Variants in PSPH observed in about 807,000 individuals in gnomAD.
The protein encoded by PSPH is L-3-phosphoserine phosphatase.
Under a neutral mutation model 23.4 loss-of-function variants are expected in PSPH, and 16 were observed. The observed-to-expected ratio is 0.68, with a 90% CI of 0.46 to 1.04. The LOEUF (loss-of-function observed/expected upper bound fraction) is 1.04. Among genes scored for constraint, PSPH ranks in the 50% least tolerant of loss-of-function variants. The pLI is 0.00. For synonymous variants in PSPH, 68 were observed against 99.7 expected, an observed-to-expected ratio of 0.68 and a Z score of 1.89; for missense variants, 223 against 273.7, an observed-to-expected ratio of 0.81 and a Z score of 1.31.
chr7:56,021,632 G>A (rs1374148722), intron 3 of PSPH, among the ~76,000 whole-genome samples: 1 of 144,586 alleles, frequency 6.9e-6, no homozygotes, highest in African/African-American at 2.5e-5. Context: ...CTACCTAATT[G>A]TAGTGAGGAA....
At chr7:56,040,669 G>T (rs1303495993) in intron 1 of PSPH, among the ~76,000 whole-genome samples, 1 of 151,888 alleles carries the variant, frequency 6.6e-6, no homozygotes, top group Non-Finnish European at 1.5e-5. Flanking sequence ...TGGTGAGGGG[G>T]GGAATGAGGC....
At chr7:56,017,834 T>G (rs1316719870) in intron 5 of PSPH, among the ~76,000 whole-genome samples, 1 of 151,784 alleles carries the variant, frequency 6.6e-6, no homozygotes, top group Non-Finnish European at 1.5e-5. Context: ...GCGATTCTCT[T>G]GTGTCAGCCT....
intron 1 of PSPH, among the ~76,000 whole-genome samples, chr7:56,048,418 CA>C (rs1455455371): frequency 6.6e-6 from 1 of 151,952 alleles, no homozygotes; most frequent in Non-Finnish European, 1.5e-5. Flanking sequence ...AGAACTGTTC[CA>C]GACTGAAGAA....
intron 3 of PSPH, among the ~76,000 whole-genome samples, chr7:56,029,348 C>A (rs1354386663): frequency 6.6e-6 from 1 of 151,934 alleles, no homozygotes. Flanking sequence ...AGAAGACATG[C>A]CGGTGGGAAG....
In PSPH at chr7:56,032,070, G is replaced by A. The variant is rs1407475806; in HGVS notation, c.-145-16C>T. 1.3e-5 allele frequency: 2 copies of A among 152,568 alleles called. No homozygotes were observed. The highest frequency in any genetic ancestry group is 2.4e-5 in the African/African-American group (1 of 41,454). 9.5% of individuals were successfully genotyped at this position (152,568 alleles called of 1,614,324 possible). A position where few individuals can be genotyped will look rare whatever the true frequency, so the allele number is the denominator to read the frequency against. ...GAGCAAGAGCCTAGAAAGAGAGAAT[G>A]AGGAAATGAACATCGAAGTCCATAC... On this transcript the variant is annotated splice_polypyrimidine_tract_variant and intron_variant, in intron 2 of 7. Transcript: ENST00000275605.
At chr7:56,025,353 C>G (rs1790042732) in intron 3 of PSPH, among the ~76,000 whole-genome samples, 1 of 151,866 alleles carries the variant, frequency 6.6e-6, no homozygotes, top group Non-Finnish European at 1.5e-5. Flanking sequence ...TCTCAGCTCA[C>G]TGCAACCTCT....
chr7:56,012,410 T>G (rs889067479), intron 7 of PSPH, among the ~76,000 whole-genome samples: 1 of 151,938 alleles, frequency 6.6e-6, no homozygotes, highest in Non-Finnish European at 1.5e-5. Context: ...TGAACCTCTG[T>G]GCTTAAGCAA....
chr7:56,024,368 C>T (rs1000541376), intron 3 of PSPH, among the ~76,000 whole-genome samples: 27 of 151,634 alleles, frequency 1.8e-4, no homozygotes, highest in African/African-American at 4.1e-4. Context: ...TGAGCCACCA[C>T]GACTGGCTGA....
chr7:56,019,720 A>G lies in PSPH; in HGVS notation c.155T>C (p.Met52Thr), dbSNP rs104894036. 4 of 1,613,594 alleles carry G rather than the reference A, an allele frequency of 2.5e-6. No individual in the cohort carries two copies. The highest frequency in any genetic ancestry group is 3.4e-6 in the Non-Finnish European group (4 of 1,179,868). ...AGCTTTGAAAGGCACTGCCCCGCCCATGGCTCGCCGTGTCCTAGGAGGGAG... is the reference window on the plus strand; with the variant it reads ...AGCTTTGAAAGGCACTGCCCCGCCCGTGGCTCGCCGTGTCCTAGGAGGGAG... Reference protein sequence around the residue: ...DAVSEMTRRAMGGAVPFKAAL... With the variant: ...DAVSEMTRRATGGAVPFKAAL... Residue 52 changes from methionine (M) to threonine (T), a missense_variant, in exon 5 of 8, where the codon ATG (methionine) becomes ACG (threonine). Met to Thr is a moderately conservative substitution (Grantham distance 81). Transcript: ENST00000275605.
chr7:56,039,477 T>C (rs1019216817), intron 1 of PSPH, among the ~76,000 whole-genome samples: 7 of 151,994 alleles, frequency 4.6e-5, no homozygotes, highest in African/African-American at 1.7e-4. Flanking sequence ...ATCAATACGT[T>C]AAATACCAAT....
At position 56,030,361 on chromosome 7, in the gene PSPH, C is replaced by T. The variant is rs142953899; in HGVS notation, c.-20+1568G>A. On this transcript the variant is annotated intron_variant, in intron 3 of 7. Transcript: ENST00000275605. ...CTGACCTCAGGAGTTCTGCTCACCT[C>T]GGCCTCCCAAAGTGCTGGGAGCTCA... Among the ~76,000 whole-genome samples, 535 of 151,878 alleles carry T rather than the reference C, an allele frequency of 3.5e-3. 3 individuals are homozygous for T. Among genetic ancestry groups the T allele is most frequent in the African/African-American group, 0.012 (517 of 41,432 alleles).
At chr7:56,034,514 A>C (rs1323702446) in intron 1 of PSPH, among the ~76,000 whole-genome samples, 2 of 151,842 alleles carry the variant, frequency 1.3e-5, no homozygotes, top group Non-Finnish European at 2.9e-5. Context: ...TTCAAAGACT[A>C]CTTATATTCT....
chr7:56,035,596 C>A (rs1449000575), intron 1 of PSPH, among the ~76,000 whole-genome samples: 1 of 152,016 alleles, frequency 6.6e-6, no homozygotes, highest in East Asian at 1.9e-4. Context: ...CTACCCTTAG[C>A]TACAGGACCC....
At chr7:56,030,333 C>A (rs1307068680) in intron 3 of PSPH, among the ~76,000 whole-genome samples, 1 of 151,812 alleles carries the variant, frequency 6.6e-6, no homozygotes, top group Non-Finnish European at 1.5e-5. Flanking sequence ...TAGTCTTGAA[C>A]TCCTGACCTC....
chr7:56,036,781 A>G (rs1791782380), intron 1 of PSPH, among the ~76,000 whole-genome samples: 1 of 152,200 alleles, frequency 6.6e-6, no homozygotes, highest in Non-Finnish European at 1.5e-5. Context: ...AAATATATAT[A>G]TATAGTTGCC....
chr7:56,015,064 T>C lies in PSPH; in HGVS notation c.529A>G (p.Ile177Val). ...EKFHFKKIIMIGDGATDMEAC... is the reference protein window; with the variant it reads ...EKFHFKKIIMVGDGATDMEAC... Reference sequence around the variant, plus strand: ...TCCATATCTGTGGCACCATCTCCAATCATGATTATTTTCTTAAAATGAAAT... The same window carrying C: ...TCCATATCTGTGGCACCATCTCCAACCATGATTATTTTCTTAAAATGAAAT... The change falls in exon 7 of 8, where the codon ATT (isoleucine) becomes GTT (valine). Residue 177 changes from isoleucine to valine, a missense_variant. Ile to Val is a conservative substitution (Grantham distance 29). Transcript: ENST00000275605. 6.2e-7 allele frequency: 1 copy of C among 1,614,132 alleles called. No individual in the cohort carries two copies. Among genetic ancestry groups the C allele is most frequent in the Non-Finnish European group, 8.5e-7 (1 of 1,179,992 alleles).
At chr7:56,016,862 C>G (rs1210707582) in intron 6 of PSPH, among the ~76,000 whole-genome samples, 1 of 152,140 alleles carries the variant, frequency 6.6e-6, no homozygotes, top group Admixed American at 6.6e-5. Flanking sequence ...CAGGCGTGAG[C>G]CACCGTGCCC....
chr7:56,025,798 T>A (rs566557576), intron 3 of PSPH, among the ~76,000 whole-genome samples: 57 of 152,320 alleles, frequency 3.7e-4, no homozygotes, highest in Non-Finnish European at 1.6e-4. Flanking sequence ...TTCACCATGT[T>A]GCCCAGGCTG....
At chr7:56,025,967 C>T (rs1260155446) in intron 3 of PSPH, among the ~76,000 whole-genome samples, 1 of 152,062 alleles carries the variant, frequency 6.6e-6, no homozygotes, top group Non-Finnish European at 1.5e-5. Flanking sequence ...CCATATCCCC[C>T]ATGTCATGAA....
Sources: gnomAD v4.1 joint callset for allele counts (sites outside exome capture counted in the v4.1 genomes callset) on GRCh38, gnomAD v4.1.1 for gene constraint, MANE v1.5 for transcripts, NCBI Gene and HGNC (gene_info 2026-07-23, HGNC 2026-07-21) for gene names.